The following KCNQ3 variants were observed in gnomAD, a reference collection of about 807,000 sequenced individuals.
KCNQ3 encodes the protein potassium voltage-gated channel subfamily Q member 3, also known as potassium voltage-gated channel subfamily KQT member 3.
KCNQ3 carries 30 observed loss-of-function variants against 92.5 expected under a neutral mutation model. The ratio of observed to expected loss-of-function variants is 0.32; its 90% confidence interval spans 0.24 to 0.44. The LOEUF (loss-of-function observed/expected upper bound fraction) is 0.44, where lower values mean the gene tolerates loss of function less well. Among genes scored for constraint, KCNQ3 ranks in the 20% least tolerant of loss-of-function variants. The pLI is 1.00. For missense variants in KCNQ3, 913 were observed against 1,140.3 expected (o/e 0.80, Z 2.87); for synonymous variants, 450 against 468.8 (o/e 0.96, Z 0.52).
intron 1 of KCNQ3, chr8:132,187,146 T>C (rs1826996695): frequency 2.2e-6 from 1 of 455,956 alleles, no homozygotes. Context: ...GTACATACTC[T>C]AAGCTCTCCT....
intron 1 of KCNQ3, among the ~76,000 whole-genome samples, chr8:132,314,469 T>A (rs925826616): frequency 3.9e-5 from 6 of 152,172 alleles, no homozygotes; most frequent in Admixed American, 3.3e-4. Context: ...GGGAAACTAT[T>A]CTAAAATACA....
intron 1 of KCNQ3, among the ~76,000 whole-genome samples, chr8:132,357,585 A>C (rs1441615606): frequency 6.6e-6 from 1 of 152,112 alleles, no homozygotes; most frequent in Non-Finnish European, 1.5e-5. Context: ...AGCCAAAAGG[A>C]GATATGGGAT....
chr8:132,467,873 C>T (rs2130863752), intron 1 of KCNQ3, among the ~76,000 whole-genome samples: 1 of 152,322 alleles, frequency 6.6e-6, no homozygotes, highest in Non-Finnish European at 1.5e-5. Context: ...CTGTTGGAGG[C>T]ACGTGGGGAG....
chr8:132,332,151 G>T (rs1818250254), intron 1 of KCNQ3, among the ~76,000 whole-genome samples: 1 of 152,162 alleles, frequency 6.6e-6, no homozygotes, highest in Admixed American at 6.5e-5. Context: ...ACTCTTGCCA[G>T]CAGGGAACCC....
chr8:132,335,256 G>T (rs1035945865), intron 1 of KCNQ3, among the ~76,000 whole-genome samples: 17 of 152,008 alleles, frequency 1.1e-4, no homozygotes, highest in Admixed American at 4.6e-4. Context: ...GGCCAGCCTG[G>T]TCTCAATCTC....
intron 1 of KCNQ3, among the ~76,000 whole-genome samples, chr8:132,228,775 G>A (rs79806439): frequency 6.8e-6 from 1 of 148,078 alleles, no homozygotes; most frequent in Non-Finnish European, 1.5e-5. Context: ...AAAAAAAAAA[G>A]AGGCAAGCGA....
chr8:132,384,007 A>C (rs774299541), intron 1 of KCNQ3, among the ~76,000 whole-genome samples: 52 of 147,850 alleles, frequency 3.5e-4, no homozygotes, highest in Non-Finnish European at 3.6e-4. Context: ...TGTCAGGCCT[A>C]ACTAAGGAGA....
intron 1 of KCNQ3, among the ~76,000 whole-genome samples, chr8:132,258,213 C>T (rs1563828937): frequency 6.6e-6 from 1 of 152,138 alleles, no homozygotes; most frequent in Non-Finnish European, 1.5e-5. Flanking sequence ...AATGCACATT[C>T]TTCTCAAGTA....
intron 1 of KCNQ3, among the ~76,000 whole-genome samples, chr8:132,368,826 T>C (rs889611179): frequency 2.0e-5 from 3 of 152,208 alleles, no homozygotes; most frequent in Non-Finnish European, 4.4e-5. Context: ...TTCTGTATTG[T>C]TGACATCTTA....
At chr8:132,448,502 GAAAAAAAA>G in intron 1 of KCNQ3, among the ~76,000 whole-genome samples, 24 of 93,884 alleles carry the variant, frequency 2.6e-4, no homozygotes, top group Admixed American at 1.6e-3. Context: ...GGAGAAATAT[GAAAAAAAA>G]AAAAAAAAAA....
chr8:132,316,834 G>A (rs369021040), intron 1 of KCNQ3, among the ~76,000 whole-genome samples: 9 of 152,122 alleles, frequency 5.9e-5, no homozygotes, highest in African/African-American at 2.2e-4. Flanking sequence ...CCTAATTCTG[G>A]CAATAATGGA....
intron 1 of KCNQ3, among the ~76,000 whole-genome samples, chr8:132,189,888 C>A (rs369981784): frequency 2.7e-3 from 170 of 63,930 alleles, no homozygotes; most frequent in East Asian, 4.9e-3. Flanking sequence ...TAAAAATGAC[C>A]AAAAAAAAAA....
intron 1 of KCNQ3, among the ~76,000 whole-genome samples, chr8:132,331,427 C>T (rs1043545412): frequency 1.3e-5 from 2 of 152,158 alleles, no homozygotes; most frequent in African/African-American, 4.8e-5. Flanking sequence ...TCAGGGGTGC[C>T]CTCATATGGC....
chr8:132,478,641 C>G (rs960374051), intron 1 of KCNQ3, among the ~76,000 whole-genome samples: 1 of 152,078 alleles, frequency 6.6e-6, no homozygotes, highest in Non-Finnish European at 1.5e-5. Flanking sequence ...CACACACACA[C>G]ACACATACAC....
At chr8:132,204,807 A>G (rs1052386596) in intron 1 of KCNQ3, among the ~76,000 whole-genome samples, 1 of 152,238 alleles carries the variant, frequency 6.6e-6, no homozygotes, top group African/African-American at 2.4e-5. Flanking sequence ...TACATACCAG[A>G]GCGCTGCTAT....
chr8:132,141,091 A>C (rs771328230), intron 10 of KCNQ3, 38 bp downstream of exon 10: 1 of 1,579,132 alleles, frequency 6.3e-7, no homozygotes, highest in South Asian at 1.1e-5. Flanking sequence ...GGGGAGGAAG[A>C]AGTGGAAGAG....
intron 1 of KCNQ3, among the ~76,000 whole-genome samples, chr8:132,330,966 C>T (rs966417621): frequency 6.6e-6 from 1 of 152,182 alleles, no homozygotes; most frequent in Non-Finnish European, 1.5e-5. Context: ...ATAAAGGCAG[C>T]GTCCACTGGG....
chr8:132,432,628 C>T (rs1038978140), intron 1 of KCNQ3, among the ~76,000 whole-genome samples: 1 of 152,156 alleles, frequency 6.6e-6, no homozygotes, highest in Non-Finnish European at 1.5e-5. Flanking sequence ...TTCTCTCACT[C>T]CACTGCTGAA....
chr8:132,475,813 G>C (rs1362586609), intron 1 of KCNQ3, among the ~76,000 whole-genome samples: 2 of 152,256 alleles, frequency 1.3e-5, no homozygotes, highest in Non-Finnish European at 2.9e-5. Context: ...ATATGCATAA[G>C]TAATGAGGAG....
Sources: gnomAD v4.1 joint callset for allele counts (sites outside exome capture counted in the v4.1 genomes callset) on GRCh38, gnomAD v4.1.1 for gene constraint, MANE v1.5 for transcripts, NCBI Gene and HGNC (gene_info 2026-07-23, HGNC 2026-07-21) for gene names.